NFAT5: variants seen among roughly 807,000 people sequenced by gnomAD.
The protein encoded by NFAT5 is nuclear factor of activated T-cells 5.
A neutral mutation model predicts 166.5 loss-of-function variants in NFAT5; 31 were observed. The ratio of observed to expected loss-of-function variants is 0.19; its 90% confidence interval spans 0.14 to 0.25. NFAT5 has a LOEUF of 0.25. Among genes scored for constraint, NFAT5 ranks in the 10% least tolerant of loss-of-function variants. NFAT5 has a pLI of 1.00. For missense variants in NFAT5, 1,449 were observed against 1,821.8 expected (o/e 0.80, Z 3.72); for synonymous variants, 612 against 639.7 (o/e 0.96, Z 0.65).
intron 2 of NFAT5, among the ~76,000 whole-genome samples, chr16:69,571,129 T>TAAAAAAAAAAAAAAAA (rs56221116): frequency 3.2e-5 from 1 of 31,380 alleles, no homozygotes; most frequent in African/African-American, 8.0e-5. Context: ...CCATCTCTAC[T>TAAAAAAAAAAAAAAAA]AAAAAAAAAA....
intron 2 of NFAT5, among the ~76,000 whole-genome samples, chr16:69,587,215 G>A (rs553211862): frequency 1.3e-5 from 2 of 149,566 alleles, no homozygotes; most frequent in South Asian, 4.3e-4. Flanking sequence ...CTGAGTAGCT[G>A]GAATTACCGC....
chr16:69,568,213 G>T (rs1180838798), intron 1 of NFAT5, among the ~76,000 whole-genome samples: 2 of 152,090 alleles, frequency 1.3e-5, no homozygotes, highest in African/African-American at 4.8e-5. Context: ...CCAGCTACTC[G>T]GGAGGCTGAG....
At chr16:69,672,317 C>T (rs1025104303) in intron 9 of NFAT5, among the ~76,000 whole-genome samples, 14 of 152,180 alleles carry the variant, frequency 9.2e-5, no homozygotes, top group African/African-American at 3.1e-4. Flanking sequence ...GTTTTAATAC[C>T]TGCTTTGTCA....
At chr16:69,687,504 C>T (rs1860548088) in intron 11 of NFAT5, among the ~76,000 whole-genome samples, 1 of 150,510 alleles carries the variant, frequency 6.6e-6, no homozygotes, top group Non-Finnish European at 1.5e-5. Context: ...GTGCATATGG[C>T]CGTAGAAGGA....
At chr16:69,580,778 C>T (rs1475558337) in intron 2 of NFAT5, among the ~76,000 whole-genome samples, 1 of 152,034 alleles carries the variant, frequency 6.6e-6, no homozygotes, top group African/African-American at 2.4e-5. Flanking sequence ...GCCTCAGCCT[C>T]CCGAGTAGCT....
rs188750827 is a variant in NFAT5 at position 69,635,254 on chromosome 16, G to A, written c.253+8726G>A. On this transcript the variant is annotated intron_variant, in intron 3 of 14. Transcript: ENST00000349945. ...TTGAACTCCGGACCTCAGGTGATCC[G>A]CCCACCTCAGCCTCCCAAAGTGCTG... Among the ~76,000 whole-genome samples the A allele has an allele frequency of 8.6e-5, 13 of 151,874 alleles. No individual in the cohort carries two copies. In the East Asian group the frequency reaches 1.9e-3, roughly 23 times the overall value.
Position 69,667,251 on chromosome 16 carries a change from AGC to A in NFAT5, c.1370-2725_1370-2724del, listed in dbSNP as rs565193666. On this transcript the variant is annotated intron_variant, in intron 7 of 14. Coordinates refer to ENST00000349945, the MANE Select transcript of NFAT5 (RefSeq NM_138713.4). ...GACGAGTTAGTGGGTGCAGCACACC[AGC>A]ATGGCACATGTATACATATGTAACT... Among the ~76,000 whole-genome samples, 328 of 151,820 alleles carry A rather than the reference AGC, an allele frequency of 2.2e-3. 2 individuals are homozygous for A. Among genetic ancestry groups the A allele is most frequent in the South Asian group, 5.2e-3 (25 of 4,800 alleles).
At chr16:69,672,164 A>G (rs2036649869) in intron 9 of NFAT5, among the ~76,000 whole-genome samples, 1 of 152,222 alleles carries the variant, frequency 6.6e-6, no homozygotes, top group South Asian at 2.1e-4. Flanking sequence ...ATCTAGACAA[A>G]TGCTATGTGG....
intron 11 of NFAT5, among the ~76,000 whole-genome samples, chr16:69,689,354 A>C (rs879824305): frequency 6.6e-6 from 1 of 152,220 alleles, no homozygotes; most frequent in Non-Finnish European, 1.5e-5. Context: ...GGTCCAAAGA[A>C]CTCATGAATA....
chr16:69,688,213 A>ACAAACAAC (rs1389730091), intron 11 of NFAT5, among the ~76,000 whole-genome samples: 1 of 95,856 alleles, frequency 1.0e-5, no homozygotes, highest in African/African-American at 3.8e-5. Flanking sequence ...AAAAAAAAAA[A>ACAAACAAC]AAAAAAAAAA....
At position 69,678,775 on chromosome 16, in the gene NFAT5, T is replaced by C. The variant is rs1243078920; in HGVS notation, c.1690+1440T>C. Among the ~76,000 whole-genome samples, 3 of 152,334 alleles carry C rather than the reference T, an allele frequency of 2.0e-5. No individual in the cohort carries two copies. The East Asian group carries it at 5.8e-4, about 29-fold the overall frequency. On this transcript the variant is annotated intron_variant, in intron 10 of 14. Transcript: ENST00000349945. ...CTATCTGTAGTTTATTAGTATGTTA[T>C]TTCCATATAGTTCAAGATCCAGTGA... is the stretch of plus-strand genomic sequence containing the variant.
In NFAT5 at chr16:69,692,245, G is replaced by C; in HGVS notation, c.2420G>C (p.Ser807Thr). 1.9e-6 allele frequency: 3 copies of C among 1,614,180 alleles called. No individual in the cohort carries two copies. The highest frequency in any genetic ancestry group is 2.5e-6 in the Non-Finnish European group (3 of 1,180,042). ...QAGSFTGSTA[S>T]GSSGSVDLVQ... ...GGGAGTTTCACAGGCAGTACTGCTAGTGGCAGCAGTGGAAGTGTTGACTTG... is the reference window on the plus strand; with the variant it reads ...GGGAGTTTCACAGGCAGTACTGCTACTGGCAGCAGTGGAAGTGTTGACTTG... The change falls in exon 13 of 15, where the codon AGT becomes ACT. Residue 807 changes from serine (S) to threonine (T), a missense_variant. Transcript: ENST00000349945.
Position 69,693,782 on chromosome 16 carries a change from G to A in NFAT5, c.3957G>A (p.Gln1319=). 6.2e-7 allele frequency: 1 copy of A among 1,614,198 alleles called. No individual in the cohort carries two copies. The highest frequency in any genetic ancestry group is 8.5e-7 in the Non-Finnish European group (1 of 1,180,040). Residue 1319 remains glutamine, a synonymous_variant, in exon 13 of 15, where the codon CAG becomes CAA. Transcript: ENST00000349945. ...CAAATCAAAATCCAATGGCTAATCA[G>A]GAGCAACAGAACCAGTCAATTTTTC... ...FNPNQNPMAN[Q]EQQNQSIFHQ...
At chr16:69,641,948 A>T (rs1435924670) in intron 3 of NFAT5, among the ~76,000 whole-genome samples, 1 of 151,556 alleles carries the variant, frequency 6.6e-6, no homozygotes, top group East Asian at 1.9e-4. Context: ...AAAATACAAA[A>T]ATTAGCCAGG....
chr16:69,671,275 C>T (rs745549348), intron 9 of NFAT5, among the ~76,000 whole-genome samples: 1 of 152,218 alleles, frequency 6.6e-6, no homozygotes, highest in Non-Finnish European at 1.5e-5. Flanking sequence ...ATTTTTCCTA[C>T]TGTCCCCTTG....
intron 2 of NFAT5, among the ~76,000 whole-genome samples, chr16:69,590,508 A>T (rs1344810056): frequency 6.6e-6 from 1 of 152,216 alleles, no homozygotes; most frequent in Non-Finnish European, 1.5e-5. Context: ...CAGTTTGAAA[A>T]TACTGGAAAA....
chr16:69,698,915 T>C lies in NFAT5; in HGVS notation c.*2564T>C, dbSNP rs1597585410. The C allele has an allele frequency of 1.3e-5, 2 of 152,716 alleles. No homozygotes were observed. Among genetic ancestry groups the C allele is most frequent in the East Asian group, 3.9e-4 (2 of 5,192 alleles). The allele number at this position is 152,716 out of a possible 1,614,324, so 9.5% of individuals were successfully genotyped here. ...TCTGAACCAAAAGTATTTTCCTCAG[T>C]GTATCTCTTCTCCCCCAGCCCCTAT... On this transcript the variant is annotated 3_prime_UTR_variant, in exon 15 of 15. Coordinates refer to ENST00000349945, the MANE Select transcript of NFAT5 (RefSeq NM_138713.4).
chr16:69,666,767 T>C (rs915221537), intron 7 of NFAT5, among the ~76,000 whole-genome samples: 2 of 151,870 alleles, frequency 1.3e-5, no homozygotes, highest in Non-Finnish European at 2.9e-5. Context: ...AGTGTGGCGA[T>C]TCCTCAGGGA....
chr16:69,694,758 TAAAAG>T (rs759145704), intron 13 of NFAT5, among the ~76,000 whole-genome samples: 12 of 152,194 alleles, frequency 7.9e-5, no homozygotes, highest in Non-Finnish European at 1.5e-4. Flanking sequence ...GCTATAAACT[TAAAAG>T]GAAAATGAAG....
Sources: gnomAD v4.1 joint callset for allele counts (sites outside exome capture counted in the v4.1 genomes callset) on GRCh38, gnomAD v4.1.1 for gene constraint, MANE v1.5 for transcripts, NCBI Gene and HGNC (gene_info 2026-07-23, HGNC 2026-07-21) for gene names.